ZNF541: variants seen among roughly 807,000 people sequenced by gnomAD.
ZNF541 encodes the protein zinc finger protein 541.
Under a neutral mutation model 123.5 loss-of-function variants are expected in ZNF541, and 23 were observed. The ratio of observed to expected loss-of-function variants is 0.19; its 90% CI spans 0.13 to 0.26. The LOEUF (loss-of-function observed/expected upper bound fraction) is 0.26. Among genes scored for constraint, ZNF541 ranks in the 10% least tolerant of loss-of-function variants. ZNF541 has a pLI of 1.00. For synonymous variants in ZNF541, 751 were observed against 754.5 expected (o/e 1.00, Z 0.08); for missense variants, 1,612 against 1,789.9 (o/e 0.90, Z 1.79).
At chr19:47,528,730 G>A (rs533194738) in intron 14 of ZNF541, among the ~76,000 whole-genome samples, 7 of 152,242 alleles carry the variant, frequency 4.6e-5, no homozygotes, top group East Asian at 3.9e-4. Flanking sequence ...GTAGGACTGC[G>A]GGGAGGGGCA....
At chr19:47,522,139 C>A in intron 14 of ZNF541, 145 bp from the exon 15 acceptor site, 1 of 1,091,686 alleles carries the variant, frequency 9.2e-7, no homozygotes, top group Non-Finnish European at 1.3e-6. Context: ...CACAAAGGCA[C>A]AGGACCACAA....
Position 47,544,413 on chromosome 19 carries a change from C to T in ZNF541, c.2116G>A (p.Glu706Lys), listed in dbSNP as rs1400934717. ...TGQRQTQLGG[E>K]EPPGASLPGK... ...GGCAGCGAGGCTCCTGGTGGCTCCT[C>T]CCCACCTAACTGGGTCTGCCGTTGG... The change falls in exon 5 of 17, where the codon GAG becomes AAG. Residue 706 changes from glutamate (E) to lysine (K), a missense_variant. By Grantham distance (56) the Glu-to-Lys change is moderately conservative. Coordinates refer to ENST00000391901, the MANE Select transcript of ZNF541 (RefSeq NM_001277075.3). 6.4e-7 allele frequency: 1 copy of T among 1,551,466 alleles called. No homozygotes were observed. Among genetic ancestry groups the T allele is most frequent in the Non-Finnish European group, 8.7e-7 (1 of 1,147,012 alleles).
chr19:47,558,490 A>G (rs1335663380), intron 2 of ZNF541, among the ~76,000 whole-genome samples: 4 of 152,076 alleles, frequency 2.6e-5, no homozygotes, highest in African/African-American at 9.7e-5. Context: ...AAAAAATTAG[A>G]TAACTTAGAT....
chr19:47,527,593 A>G (rs796853373), intron 14 of ZNF541, among the ~76,000 whole-genome samples: 15 of 151,978 alleles, frequency 9.9e-5, no homozygotes, highest in African/African-American at 3.6e-4. Context: ...ACAAGGTCTC[A>G]CTATATTGCC....
At chr19:47,526,798 T>A (rs1206210828) in intron 14 of ZNF541, among the ~76,000 whole-genome samples, 1 of 152,220 alleles carries the variant, frequency 6.6e-6, no homozygotes, top group Non-Finnish European at 1.5e-5. Context: ...AAGTTAAGCA[T>A]ACACCTACTA....
rs1297203273 is a variant in ZNF541 at position 47,544,483 on chromosome 19, G to C, written c.2046C>G (p.Ser682=). 1.3e-6 allele frequency: 2 copies of C among 1,551,600 alleles called. No homozygotes were observed. Among genetic ancestry groups the C allele is most frequent in the African/African-American group, 2.7e-5 (2 of 73,064 alleles). Reference sequence around the variant, plus strand: ...CCTCCAGGTCCAAGGTCCCTTTAGAGGATCGCAGCTGCTTGGCCAGAGAAG... The same window carrying C: ...CCTCCAGGTCCAAGGTCCCTTTAGACGATCGCAGCTGCTTGGCCAGAGAAG... The part of the protein sequence containing the change: ...DISSLAKQLR[S]SKGTLDLEDI... Residue 682 remains serine (S), a synonymous_variant, in exon 5 of 17, where the codon TCC becomes TCG. Transcript: ENST00000391901.
At chr19:47,547,825 G>A (rs1970418900) in intron 4 of ZNF541, among the ~76,000 whole-genome samples, 1 of 152,052 alleles carries the variant, frequency 6.6e-6, no homozygotes, top group Admixed American at 6.6e-5. Flanking sequence ...TGTAATCCCA[G>A]CACTTTGGGG....
At chr19:47,568,375 T>C (rs573906683) in intron 2 of ZNF541, among the ~76,000 whole-genome samples, 10 of 152,094 alleles carry the variant, frequency 6.6e-5, no homozygotes, top group Non-Finnish European at 1.5e-4. Context: ...GACAGGGTCT[T>C]ACTCTGTCGC....
At chr19:47,529,163 T>A in intron 13 of ZNF541, 125 bp from the exon 14 acceptor site, 1 of 728,260 alleles carries the variant, frequency 1.4e-6, no homozygotes, top group South Asian at 1.8e-5. Context: ...GCCAATCTCA[T>A]AAAAAACTCA....
intron 12 of ZNF541, 46 bp downstream of exon 12, chr19:47,531,596 C>T: frequency 6.9e-7 from 1 of 1,459,834 alleles, no homozygotes; most frequent in Non-Finnish European, 9.3e-7. Flanking sequence ...GCACCTAGAA[C>T]CCTGGGCCCC....
chr19:47,549,459 T>C lies in ZNF541; in HGVS notation c.334A>G (p.Lys112Glu). The change falls in exon 4 of 17, where the codon AAA (lysine) becomes GAA (glutamate). Residue 112 changes from lysine (K) to glutamate (E), a missense_variant. Coordinates refer to ENST00000391901, the MANE Select transcript of ZNF541 (RefSeq NM_001277075.3). ...QDLGLGVLKA[K>E]EADEGGRATS... ...GCCCTTCCTCCTTCGTCAGCCTCTT[T>C]AGCCTTAAGCACACCTAGCCCCAGG... 6.4e-7 allele frequency: 1 copy of C among 1,551,788 alleles called. No individual in the cohort carries two copies. The highest frequency in any genetic ancestry group is 8.7e-7 in the Non-Finnish European group (1 of 1,147,026).
intron 3 of ZNF541, among the ~76,000 whole-genome samples, chr19:47,554,246 C>T (rs1203863066): frequency 6.6e-6 from 1 of 152,100 alleles, no homozygotes; most frequent in Non-Finnish European, 1.5e-5. Context: ...GACTGGGAAA[C>T]ATAGTGAAAC....
chr19:47,543,346 C>T (rs1970164083), intron 5 of ZNF541, among the ~76,000 whole-genome samples: 1 of 151,890 alleles, frequency 6.6e-6, no homozygotes, highest in Admixed American at 6.6e-5. Flanking sequence ...TGGATGAGCT[C>T]TTTGGACCAG....
intron 5 of ZNF541, among the ~76,000 whole-genome samples, chr19:47,542,510 G>C (rs1970124267): frequency 6.6e-6 from 1 of 151,976 alleles, no homozygotes; most frequent in Non-Finnish European, 1.5e-5. Context: ...AAATTAGCTG[G>C]GCATGGTGAT....
chr19:47,554,908 A>G (rs1970750473), intron 3 of ZNF541, among the ~76,000 whole-genome samples: 2 of 151,858 alleles, frequency 1.3e-5, no homozygotes, highest in African/African-American at 4.8e-5. Flanking sequence ...AGCCTGGCCA[A>G]TATGATGAAA....
chr19:47,567,254 T>A (rs1473130691), intron 2 of ZNF541, among the ~76,000 whole-genome samples: 2 of 151,716 alleles, frequency 1.3e-5, no homozygotes, highest in Non-Finnish European at 2.9e-5. Flanking sequence ...TAGTTAAATT[T>A]ATTTATTTAT....
intron 9 of ZNF541, among the ~76,000 whole-genome samples, chr19:47,533,315 G>A (rs373407993): frequency 2.4e-5 from 3 of 124,404 alleles, no homozygotes; most frequent in Non-Finnish European, 4.7e-5. Flanking sequence ...AGCCGAGATC[G>A]CGCCACTGCA....
chr19:47,541,572 T>C (rs1970082166), intron 5 of ZNF541, among the ~76,000 whole-genome samples: 1 of 152,094 alleles, frequency 6.6e-6, no homozygotes, highest in Non-Finnish European at 1.5e-5. Context: ...AAAATAGTAA[T>C]CTGATTTTAA....
rs566563772 is a variant in ZNF541, at chr19:47,520,932, T to A, written c.*292A>T. 1.1e-5 allele frequency: 4 copies of A among 361,304 alleles called. No individual in the cohort carries two copies. Among genetic ancestry groups the A allele is most frequent in the South Asian group, 1.0e-4 (2 of 19,846 alleles). 22.4% of individuals were successfully genotyped at this position (361,304 alleles called of 1,614,324 possible). Reference sequence around the variant, plus strand: ...ATTTAAGAGCTACCCAGAGCTAAATTTTCCCCTCCCCAAGCCTCCCTGCTC... The same window carrying A: ...ATTTAAGAGCTACCCAGAGCTAAATATTCCCCTCCCCAAGCCTCCCTGCTC... On this transcript the variant is annotated 3_prime_UTR_variant, in exon 17 of 17. Transcript: ENST00000391901.
Sources: gnomAD v4.1 joint callset for allele counts (sites outside exome capture counted in the v4.1 genomes callset) on GRCh38, gnomAD v4.1.1 for gene constraint, MANE v1.5 for transcripts, NCBI Gene and HGNC (gene_info 2026-07-23, HGNC 2026-07-21) for gene names.